EDIL3: variants seen among roughly 807,000 people sequenced by gnomAD.
EDIL3 encodes EGF-like repeat and discoidin I-like domain-containing protein 3.
A neutral mutation model predicts 67.4 loss-of-function variants in EDIL3; 37 were observed. The observed-to-expected ratio is 0.55, with a 90% CI of 0.42 to 0.72. The LOEUF (loss-of-function observed/expected upper bound fraction) is 0.72. EDIL3 is among the 30% of genes least tolerant of loss of function. The pLI, the probability that EDIL3 is intolerant of heterozygous loss-of-function variation, is 0.00. For missense variants in EDIL3, 527 were observed against 586.3 expected, an observed-to-expected ratio of 0.90 and a Z score of 1.04; for synonymous variants, 195 against 196.3, an observed-to-expected ratio of 0.99 and a Z score of 0.05.
chr5:84,190,152 G>A (rs1743548986), intron 3 of EDIL3, among the ~76,000 whole-genome samples: 1 of 151,784 alleles, frequency 6.6e-6, no homozygotes, highest in Admixed American at 6.6e-5. Flanking sequence ...TTTTCCTGAT[G>A]GCCTTCAGAA....
chr5:84,148,799 C>G (rs1456931741), intron 4 of EDIL3, among the ~76,000 whole-genome samples: 5 of 152,064 alleles, frequency 3.3e-5, no homozygotes, highest in Admixed American at 6.6e-5. Flanking sequence ...CAAGCCATTA[C>G]TTTTTATATA....
At chr5:84,034,034 C>T (rs1280306229) in intron 9 of EDIL3, among the ~76,000 whole-genome samples, 2 of 152,098 alleles carry the variant, frequency 1.3e-5, no homozygotes, top group African/African-American at 4.8e-5. Context: ...AACTGGTGGA[C>T]ATAATATCTG....
chr5:84,137,184 TAC>T (rs70975542), intron 5 of EDIL3, 55 bp downstream of exon 5: 190,560 of 861,894 alleles, frequency 0.22, 5,626 homozygotes, highest in East Asian at 0.34. Flanking sequence ...TGTGTATACA[TAC>T]ACACACACAC....
chr5:84,159,171 A>G (rs1580354042), intron 4 of EDIL3, among the ~76,000 whole-genome samples: 1 of 152,058 alleles, frequency 6.6e-6, no homozygotes, highest in Non-Finnish European at 1.5e-5. Flanking sequence ...ACGGGTGAAA[A>G]CATCCATTAA....
At chr5:84,258,053 T>C (rs1745154245) in intron 1 of EDIL3, among the ~76,000 whole-genome samples, 2 of 152,150 alleles carry the variant, frequency 1.3e-5, no homozygotes, top group African/African-American at 2.4e-5. Flanking sequence ...ACAGTGGCAA[T>C]AGAAACCAAA....
chr5:84,057,939 A>C (rs1746478079), intron 9 of EDIL3, among the ~76,000 whole-genome samples: 1 of 152,166 alleles, frequency 6.6e-6, no homozygotes, highest in African/African-American at 2.4e-5. Flanking sequence ...CAATACAGTA[A>C]GAAAATGGTA....
intron 1 of EDIL3, among the ~76,000 whole-genome samples, chr5:84,349,904 C>T (rs1336201786): frequency 1.3e-5 from 2 of 152,134 alleles, no homozygotes; most frequent in Non-Finnish European, 2.9e-5. Context: ...TATGTGCCAG[C>T]AACTGTTCCA....
At chr5:84,305,176 T>C (rs1746239821) in intron 1 of EDIL3, among the ~76,000 whole-genome samples, 1 of 152,220 alleles carries the variant, frequency 6.6e-6, no homozygotes, top group Admixed American at 6.5e-5. Flanking sequence ...AGTAATTAAA[T>C]AACCCAGATT....
intron 3 of EDIL3, among the ~76,000 whole-genome samples, chr5:84,218,593 C>T (rs1471150624): frequency 6.6e-6 from 1 of 152,136 alleles, no homozygotes; most frequent in African/African-American, 2.4e-5. Context: ...TTGGGTAGAG[C>T]ACCAAGCAGG....
intron 5 of EDIL3, among the ~76,000 whole-genome samples, chr5:84,124,985 T>A (rs1312568799): frequency 1.3e-5 from 2 of 152,028 alleles, no homozygotes; most frequent in African/African-American, 4.8e-5. Flanking sequence ...CTACTTATTA[T>A]TAATTAATAT....
chr5:84,240,542 A>C (rs1327636501), intron 2 of EDIL3, among the ~76,000 whole-genome samples: 1 of 152,162 alleles, frequency 6.6e-6, no homozygotes, highest in African/African-American at 2.4e-5. Flanking sequence ...GATCAGCAGC[A>C]GCATTAGATT....
At chr5:83,991,047 T>TTCTTTAGG (rs1270063693) in intron 9 of EDIL3, among the ~76,000 whole-genome samples, 2 of 152,222 alleles carry the variant, frequency 1.3e-5, no homozygotes, top group Non-Finnish European at 2.9e-5. Context: ...AGCACACTGC[T>TTCTTTAGG]GTACAGCAAT....
At chr5:84,029,952 T>C (rs914173334) in intron 9 of EDIL3, among the ~76,000 whole-genome samples, 6 of 152,104 alleles carry the variant, frequency 3.9e-5, no homozygotes, top group Admixed American at 6.6e-5. Flanking sequence ...AAAAACTTTG[T>C]TTAAGGAAGA....
At chr5:84,303,808 CTGTGTGTGTGTGTGTG>C (rs199605264) in intron 1 of EDIL3, among the ~76,000 whole-genome samples, 13,306 of 135,444 alleles carry the variant, frequency 0.098, 750 homozygotes, top group South Asian at 0.22. Context: ...CTCTCTCTCT[CTGTGTGTGTGTGTGTG>C]TGTGTGTGTG....
At chr5:84,319,004 A>G (rs1746570347) in intron 1 of EDIL3, among the ~76,000 whole-genome samples, 1 of 152,336 alleles carries the variant, frequency 6.6e-6, no homozygotes, top group African/African-American at 2.4e-5. Context: ...ATATGAACAG[A>G]CACTACTCAA....
intron 3 of EDIL3, among the ~76,000 whole-genome samples, chr5:84,224,470 G>T (rs1231682768): frequency 6.6e-6 from 1 of 151,290 alleles, no homozygotes; most frequent in Non-Finnish European, 1.5e-5. Context: ...AAGGGACATA[G>T]AAATAAGTAT....
intron 1 of EDIL3, among the ~76,000 whole-genome samples, chr5:84,324,808 T>C (rs1279289367): frequency 1.3e-5 from 2 of 151,712 alleles, no homozygotes; most frequent in Non-Finnish European, 3.0e-5. Flanking sequence ...ATATCTTAGA[T>C]AAAATGGATG....
intron 4 of EDIL3, among the ~76,000 whole-genome samples, chr5:84,138,031 C>T (rs1327348085): frequency 6.6e-6 from 1 of 152,172 alleles, no homozygotes; most frequent in Non-Finnish European, 1.5e-5. Flanking sequence ...TACTACTTTC[C>T]TTGCTAATTT....
chr5:84,207,928 T>TA (rs1376162811), intron 3 of EDIL3, among the ~76,000 whole-genome samples: 1 of 152,122 alleles, frequency 6.6e-6, no homozygotes, highest in Non-Finnish European at 1.5e-5. Context: ...ACGTTAGACC[T>TA]AAAACCATAA....
Sources: gnomAD v4.1 joint callset for allele counts (sites outside exome capture counted in the v4.1 genomes callset) on GRCh38, gnomAD v4.1.1 for gene constraint, MANE v1.5 for transcripts, NCBI Gene and HGNC (gene_info 2026-07-23, HGNC 2026-07-21) for gene names.